ADGRL3: variants seen among roughly 807,000 people sequenced by gnomAD.
ADGRL3 encodes the protein adhesion G protein-coupled receptor L3, also known as calcium-independent alpha-latrotoxin receptor 3.
Under a neutral mutation model 153.5 loss-of-function variants are expected in ADGRL3, and 62 were observed. The ratio of observed to expected loss-of-function variants is 0.40; its 90% CI spans 0.33 to 0.50. The LOEUF (loss-of-function observed/expected upper bound fraction) is 0.50, where lower values mean the gene tolerates loss of function less well. Among genes scored for constraint, ADGRL3 ranks in the 20% least tolerant of loss-of-function variants. The pLI, the probability that ADGRL3 is intolerant of heterozygous loss-of-function variation, is 0.47. For synonymous variants in ADGRL3, 710 were observed against 672.5 expected, an observed-to-expected ratio of 1.06 and a Z score of -0.86; for missense variants, 1,641 against 1,859.4, an observed-to-expected ratio of 0.88 and a Z score of 2.16.
chr4:61,797,378 G>T (rs1386067371), intron 8 of ADGRL3, among the ~76,000 whole-genome samples: 1 of 152,112 alleles, frequency 6.6e-6, no homozygotes, highest in African/African-American at 2.4e-5. Context: ...GTGTTAATTT[G>T]GGGATTATAT....
At chr4:61,448,649 A>G (rs908839778) in intron 2 of ADGRL3, among the ~76,000 whole-genome samples, 1 of 151,988 alleles carries the variant, frequency 6.6e-6, no homozygotes, top group Non-Finnish European at 1.5e-5. Flanking sequence ...TGATTCAAAT[A>G]TATATCATTA....
At chr4:61,331,332 A>G (rs1560482813) in intron 1 of ADGRL3, among the ~76,000 whole-genome samples, 1 of 152,200 alleles carries the variant, frequency 6.6e-6, no homozygotes, top group African/African-American at 2.4e-5. Context: ...TTCCTGAAAT[A>G]CTTTTGTCCT....
intron 4 of ADGRL3, among the ~76,000 whole-genome samples, chr4:61,554,127 T>C (rs1355327018): frequency 6.6e-6 from 1 of 151,292 alleles, no homozygotes; most frequent in Non-Finnish European, 1.5e-5. Flanking sequence ...ATTTTAAATA[T>C]TGGATCCTAT....
chr4:61,570,589 A>G (rs1361204965), intron 4 of ADGRL3, among the ~76,000 whole-genome samples: 1 of 152,154 alleles, frequency 6.6e-6, no homozygotes, highest in East Asian at 1.9e-4. Flanking sequence ...TTCATAGTCT[A>G]TTATAATTTT....
intron 5 of ADGRL3, among the ~76,000 whole-genome samples, chr4:61,659,968 A>G (rs1251902883): frequency 1.3e-5 from 2 of 151,194 alleles, no homozygotes; most frequent in Non-Finnish European, 1.5e-5. Flanking sequence ...GGAGGAGCAC[A>G]CATAGGATAT....
intron 17 of ADGRL3, among the ~76,000 whole-genome samples, chr4:61,968,764 G>A (rs761894491): frequency 2.0e-5 from 3 of 152,056 alleles, no homozygotes; most frequent in Non-Finnish European, 4.4e-5. Context: ...ACATTTAATA[G>A]GTAAGAACTG....
intron 25 of ADGRL3, among the ~76,000 whole-genome samples, chr4:62,050,184 A>AAT (rs1052507971): frequency 1.3e-5 from 2 of 152,092 alleles, no homozygotes; most frequent in Non-Finnish European, 2.9e-5. Flanking sequence ...AATAAAACTG[A>AAT]ATTGTCACTT....
chr4:62,006,394 A>T (rs2151173479), intron 21 of ADGRL3, among the ~76,000 whole-genome samples: 1 of 152,010 alleles, frequency 6.6e-6, no homozygotes, highest in East Asian at 1.9e-4. Flanking sequence ...GGGTACTAGA[A>T]CAGTGAGTGG....
chr4:61,641,340 G>C (rs1456550371), intron 5 of ADGRL3, among the ~76,000 whole-genome samples: 1 of 151,340 alleles, frequency 6.6e-6, no homozygotes, highest in African/African-American at 2.4e-5. Flanking sequence ...AAATGTGCAG[G>C]TTAGTTACAT....
chr4:61,934,841 C>T lies in ADGRL3; in HGVS notation c.2114C>T (p.Ala705Val). 2 of 1,612,790 alleles carry T rather than the reference C, an allele frequency of 1.2e-6. No individual in the cohort carries two copies. Among genetic ancestry groups the T allele is most frequent in the Non-Finnish European group, 1.7e-6 (2 of 1,179,208 alleles). The change falls in exon 14 of 27, where the codon GCA becomes GTA. Residue 705 changes from alanine (A) to valine (V), a missense_variant and splice_region_variant. This residue lies in a region of ADGRL3 where 734 missense variants were observed against 797.0 expected (regional missense o/e 0.92). Coordinates refer to ENST00000683033, the MANE Select transcript of ADGRL3 (RefSeq NM_001387552.1). Reference sequence around the variant, plus strand: ...GTCATTCTTTTCATCCTCTTGTAGGCAATGGTCGAGACAGTTAACAACCTC... The same window carrying T: ...GTCATTCTTTTCATCCTCTTGTAGGTAATGGTCGAGACAGTTAACAACCTC... The part of the protein sequence containing the change: ...RERSCRAYVQ[A>V]MVETVNNLLQ...
At chr4:61,739,053 C>G (rs1182258745) in intron 8 of ADGRL3, among the ~76,000 whole-genome samples, 1 of 152,076 alleles carries the variant, frequency 6.6e-6, no homozygotes, top group Non-Finnish European at 1.5e-5. Flanking sequence ...TTTGTCATTT[C>G]TCAGCATGAA....
chr4:61,478,258 A>G (rs985721112), intron 2 of ADGRL3, among the ~76,000 whole-genome samples: 1 of 152,106 alleles, frequency 6.6e-6, no homozygotes, highest in African/African-American at 2.4e-5. Flanking sequence ...ATGTTAAGAT[A>G]TACAAGCTCA....
chr4:61,485,745 T>C lies in ADGRL3; in HGVS notation c.-173-11376T>C, dbSNP rs987675918. ...CTCAATTCTTACAACTTCTCTATTC[T>C]AGGCTTTATTTTTAAGTCAGTTACT... On this transcript the variant is annotated intron_variant, in intron 2 of 26. Transcript: ENST00000683033. Among the ~76,000 whole-genome samples, 7 of 152,330 alleles carry C rather than the reference T, an allele frequency of 4.6e-5. No individual in the cohort carries two copies. In the East Asian group the frequency reaches 1.4e-3, roughly 29 times the overall value.
At chr4:62,054,673 C>T (rs1736049713) in intron 25 of ADGRL3, among the ~76,000 whole-genome samples, 3 of 151,518 alleles carry the variant, frequency 2.0e-5, no homozygotes, top group Middle Eastern at 3.4e-3. Flanking sequence ...AACATTGAAA[C>T]TGTACTCATA....
chr4:61,781,414 A>G (rs1453735911), intron 8 of ADGRL3, among the ~76,000 whole-genome samples: 1 of 152,118 alleles, frequency 6.6e-6, no homozygotes, highest in Non-Finnish European at 1.5e-5. Context: ...TTTAAGAGAA[A>G]CATTTCTTTA....
At chr4:61,241,925 CTCTTT>C (rs1463702972) in intron 1 of ADGRL3, among the ~76,000 whole-genome samples, 3 of 152,032 alleles carry the variant, frequency 2.0e-5, no homozygotes, top group Non-Finnish European at 4.4e-5. Flanking sequence ...CCTTGCTTAA[CTCTTT>C]TCTTTGCATT....
intron 2 of ADGRL3, among the ~76,000 whole-genome samples, chr4:61,419,748 A>C (rs2152323988): frequency 6.6e-6 from 1 of 152,212 alleles, no homozygotes; most frequent in Admixed American, 6.5e-5. Flanking sequence ...TTATTTTCAC[A>C]GATTTAAACA....
At chr4:62,025,197 C>T (rs570324825) in intron 21 of ADGRL3, among the ~76,000 whole-genome samples, 1 of 152,076 alleles carries the variant, frequency 6.6e-6, no homozygotes, top group Admixed American at 6.6e-5. Flanking sequence ...TATCCTTAAA[C>T]CACTGGGTAG....
intron 4 of ADGRL3, among the ~76,000 whole-genome samples, chr4:61,551,741 A>G (rs1157692655): frequency 6.6e-6 from 1 of 152,192 alleles, no homozygotes; most frequent in African/African-American, 2.4e-5. Flanking sequence ...TCTGCAAGGA[A>G]TCACAGAGCT....
Sources: allele counts gnomAD v4.1 joint callset (sites outside exome capture counted in the v4.1 genomes callset), GRCh38; gene constraint gnomAD v4.1.1; regional missense constraint gnomAD v4.1.1; transcripts MANE v1.5; gene names NCBI Gene and HGNC (gene_info 2026-07-23, HGNC 2026-07-21).